Variants in INSL3 observed in about 807,000 individuals in gnomAD.
INSL3 encodes insulin-like 3.
Under a neutral mutation model 5.5 loss-of-function variants are expected in INSL3, and 6 were observed. That is an observed-to-expected ratio of 1.08 (90% CI 0.59 to 2.14). INSL3 has a LOEUF of 2.14. Among genes scored for constraint, INSL3 ranks in the 30% most tolerant of loss-of-function variants. The pLI is 0.00. For missense variants in INSL3, 178 were observed against 184.7 expected (o/e 0.96, Z 0.21); for synonymous variants, 86 against 82.1 (o/e 1.05, Z -0.26).
chr19:17,816,758 T>C lies in INSL3; in HGVS notation c.*96A>G, dbSNP rs2147660324. 1 of 1,211,894 alleles carries C rather than the reference T, an allele frequency of 8.3e-7. No individual in the cohort carries two copies. The highest frequency in any genetic ancestry group is 2.4e-5 in the East Asian group (1 of 41,762). 75.1% of individuals were successfully genotyped at this position (1,211,894 alleles called of 1,614,324 possible). A position where few individuals can be genotyped will look rare whatever the true frequency, so the allele number is the denominator to read the frequency against. ...ATCCCAGGAGGTAATCAAAGGCCTG[T>C]AGATGCGAGACTTTATGGTGCTGTG... is the stretch of plus-strand genomic sequence containing the variant. On this transcript the variant is annotated 3_prime_UTR_variant, in exon 2 of 2. Coordinates refer to ENST00000317306, the MANE Select transcript of INSL3 (RefSeq NM_005543.4).
chr19:17,817,484 CA>C (rs35282432), intron 1 of INSL3, among the ~76,000 whole-genome samples: 31,082 of 78,014 alleles, frequency 0.4, 4,447 homozygotes, highest in African/African-American at 0.48. Flanking sequence ...GACTCTGTCT[CA>C]AAAAAAAAAA....
chr19:17,818,944 G>A (rs1001407955), intron 1 of INSL3, among the ~76,000 whole-genome samples: 3 of 149,576 alleles, frequency 2.0e-5, no homozygotes, highest in African/African-American at 7.3e-5. Context: ...GCGTGATCTT[G>A]GCTCACTGCA....
intron 1 of INSL3, 141 bp from the exon 2 acceptor site, chr19:17,817,200 G>A (rs912379752): frequency 5.8e-5 from 50 of 860,756 alleles, no homozygotes; most frequent in African/African-American, 4.4e-4. Context: ...AGCACTGGCC[G>A]GGTGCAGTGG....
At chr19:17,819,650 G>T (rs1599857272) in intron 1 of INSL3, among the ~76,000 whole-genome samples, 1 of 151,984 alleles carries the variant, frequency 6.6e-6, no homozygotes, top group East Asian at 1.9e-4. Flanking sequence ...GACCATCCTT[G>T]CTAACATGGT....
Position 17,816,973 on chromosome 19 carries a change from G to T in INSL3, c.277C>A (p.Pro93Thr). 2 of 1,614,068 alleles carry T rather than the reference G, an allele frequency of 1.2e-6. No individual in the cohort carries two copies. Among genetic ancestry groups the T allele is most frequent in the Non-Finnish European group, 1.7e-6 (2 of 1,180,000 alleles). Residue 93 changes from proline (P) to threonine (T), a missense_variant, in exon 2 of 2, where the codon CCC (proline) becomes ACC (threonine). Transcript: ENST00000317306. Reference sequence around the variant, plus strand: ...TGATGGTGAGAGGTCTGGGGCAGGGGCTGCAGGCCAGGTCCCAGCGTGAGA... The same window carrying T: ...TGATGGTGAGAGGTCTGGGGCAGGGTCTGCAGGCCAGGTCCCAGCGTGAGA... ...SNLTLGPGLQ[P>T]LPQTSHHHRH...
intron 1 of INSL3, 71 bp from the exon 2 acceptor site, chr19:17,817,130 G>A (rs775043678): frequency 7.1e-6 from 10 of 1,406,106 alleles, no homozygotes; most frequent in Admixed American, 5.8e-5. Flanking sequence ...GCATGTGCAC[G>A]AATCCACACA....
chr19:17,821,042 A>C (rs975936606), intron 1 of INSL3, among the ~76,000 whole-genome samples: 3 of 151,964 alleles, frequency 2.0e-5, no homozygotes, highest in African/African-American at 7.2e-5. Context: ...GCTGGTCTCG[A>C]ACTCCTGACC....
In INSL3 at chr19:17,819,182, C is replaced by T. The variant is rs542501067; in HGVS notation, c.191-2123G>A. Among the ~76,000 whole-genome samples the T allele has an allele frequency of 1.4e-3, 210 of 150,008 alleles. 2 individuals carry two copies. The highest frequency in any genetic ancestry group is 4.0e-4 in the East Asian group (2 of 4,986). ...CTGGGAGGCAGAGGTTGCAATGAGC[C>T]GAGATCACGCCACTGCACTCCAGCC... On this transcript the variant is annotated intron_variant, in intron 1 of 1. Transcript: ENST00000317306.
intron 1 of INSL3, among the ~76,000 whole-genome samples, chr19:17,817,502 A>G (rs1165693531): frequency 1.5e-5 from 2 of 133,696 alleles, no homozygotes; most frequent in African/African-American, 6.0e-5. Context: ...AAAAAAAAAA[A>G]GTGAGCACTG....
intron 1 of INSL3, 94 bp downstream of exon 1, chr19:17,821,223 A>G: frequency 7.0e-7 from 1 of 1,428,326 alleles, no homozygotes; most frequent in Non-Finnish European, 9.5e-7. Context: ...ATGCATGCAA[A>G]CCTGCCCACC....
intron 1 of INSL3, among the ~76,000 whole-genome samples, chr19:17,818,211 T>G (rs2094190659): frequency 1.3e-5 from 2 of 151,976 alleles, no homozygotes; most frequent in Admixed American, 6.6e-5. Flanking sequence ...GCAAGTGGAG[T>G]GGCACACAGA....
At position 17,816,636 on chromosome 19, in the gene INSL3, GC is replaced by G; in HGVS notation, c.*217del. On this transcript the variant is annotated 3_prime_UTR_variant, in exon 2 of 2. Coordinates refer to ENST00000317306, the MANE Select transcript of INSL3 (RefSeq NM_005543.4). ...CTGTCAGTGTCCAGCATCTGTGAAA[GC>G]GGGGATCCTCCAAGCCAGGGCTAGG... is the stretch of plus-strand genomic sequence containing the variant. 1 of 597,616 alleles carries G rather than the reference GC, an allele frequency of 1.7e-6. No homozygotes were observed. The highest frequency in any genetic ancestry group is 3.0e-6 in the Non-Finnish European group (1 of 334,028). The allele number at this position is 597,616 out of a possible 1,614,324, so 37.0% of individuals were successfully genotyped here.
rs1047233 is a variant in INSL3, at chr19:17,821,381, T to C, written c.126A>G (p.Leu42=). Residue 42 remains leucine (L), a synonymous_variant, in exon 1 of 2, where the codon CTA becomes CTG. Transcript: ENST00000317306. ...AGCGGGGGCCCCCGCACACGCGCAC[T>C]AGCGCGCGTACGAAGTGGTGGCCGC... ...KLCGHHFVRA[L]VRVCGGPRWS... The C allele has an allele frequency of 0.36, 553,873 of 1,548,232 alleles. 104,071 individuals carry two copies. Among genetic ancestry groups the C allele is most frequent in the African/African-American group, 0.39 (28,355 of 73,074 alleles).
intron 1 of INSL3, among the ~76,000 whole-genome samples, chr19:17,821,101 G>C (rs570065935): frequency 1.0e-3 from 155 of 152,224 alleles, no homozygotes; most frequent in Middle Eastern, 6.8e-3. Context: ...GATTGCAGGC[G>C]TGAGCCACCA....
Position 17,821,447 on chromosome 19 carries a change from C to T in INSL3, c.60G>A (p.Ala20=), listed in dbSNP as rs1241459510. The change falls in exon 1 of 2, where the codon GCG becomes GCA. Residue 20 remains alanine (A), a synonymous_variant. Transcript: ENST00000317306. ...LVLLGPALVF[A]LGPAPTPEMR... ...TCTCTGGGGTGGGCGCGGGGCCCAACGCGAACACCAGGGCAGGGCCCAGCA... is the reference window on the plus strand; with the variant it reads ...TCTCTGGGGTGGGCGCGGGGCCCAATGCGAACACCAGGGCAGGGCCCAGCA... The T allele has an allele frequency of 6.5e-7, 1 of 1,541,890 alleles. No homozygotes were observed. The highest frequency in any genetic ancestry group is 8.8e-7 in the Non-Finnish European group (1 of 1,141,170).
chr19:17,816,534 C>CCCAG lies in INSL3; in HGVS notation c.*319_*320insCTGG. ...GAAGCTGCTTTGGGTCGTTTATTTA[C>CCCAG]TAAGAGACAGCAAGAAGGGGTGTTA... On this transcript the variant is annotated 3_prime_UTR_variant, in exon 2 of 2. Transcript: ENST00000317306. 2.4e-6 allele frequency: 1 copy of CCCAG among 409,976 alleles called. No homozygotes were observed. The highest frequency in any genetic ancestry group is 5.1e-5 in the East Asian group (1 of 19,758). 25.4% of individuals were successfully genotyped at this position (409,976 alleles called of 1,614,324 possible).
In INSL3 at chr19:17,816,897, C is replaced by T. The variant is rs1447724170; in HGVS notation, c.353G>A (p.Ser118Asn). Residue 118 changes from serine (S) to asparagine (N), a missense_variant, in exon 2 of 2, where the codon AGT becomes AAT. Physicochemically the swap from Ser to Asn is conservative, Grantham distance 46. Transcript: ENST00000317306. ...ATNPARYCCL[S>N]GCTQQDLLTL... Reference sequence around the variant, plus strand: ...CAGCAGGTCTTGTTGGGTACAGCCACTGAGGCAGCAGTAGCGTGCAGGGTT... The same window carrying T: ...CAGCAGGTCTTGTTGGGTACAGCCATTGAGGCAGCAGTAGCGTGCAGGGTT... 2.5e-6 allele frequency: 4 copies of T among 1,614,076 alleles called. No homozygotes were observed. The highest frequency in any genetic ancestry group is 3.4e-6 in the Non-Finnish European group (4 of 1,180,044).
intron 1 of INSL3, among the ~76,000 whole-genome samples, chr19:17,819,161 G>C (rs2147662261): frequency 6.7e-6 from 1 of 149,780 alleles, no homozygotes; most frequent in East Asian, 2.1e-4. Flanking sequence ...TTGAGTCTGG[G>C]AGGCAGAGGT....
At chr19:17,820,996 T>C (rs999726295) in intron 1 of INSL3, among the ~76,000 whole-genome samples, 6 of 152,022 alleles carry the variant, frequency 3.9e-5, no homozygotes, top group Non-Finnish European at 8.8e-5. Context: ...TTAAAAATTA[T>C]TTTTAGTAGA....
Sources: allele counts gnomAD v4.1 joint callset (sites outside exome capture counted in the v4.1 genomes callset), GRCh38; gene constraint gnomAD v4.1.1; transcripts MANE v1.5; gene names NCBI Gene and HGNC (gene_info 2026-07-23, HGNC 2026-07-21).